The following ADARB2 variants were observed in gnomAD, a reference collection of about 807,000 sequenced individuals.
ADARB2 encodes adenosine deaminase RNA specific B2 (inactive).
Under a neutral mutation model 62.2 loss-of-function variants are expected in ADARB2, and 25 were observed. That is an observed-to-expected ratio of 0.40 (90% CI 0.29 to 0.56). ADARB2 has a LOEUF of 0.56. ADARB2 is among the 20% of genes least tolerant of loss of function. The pLI is 0.43. For missense variants in ADARB2, 1,071 were observed against 1,077.4 expected (o/e 0.99, Z 0.08); for synonymous variants, 572 against 500.8 (o/e 1.14, Z -1.90).
chr10:1,362,898 T>G, intron 3 of ADARB2, 130 bp downstream of exon 3: 1 of 930,042 alleles, frequency 1.1e-6, no homozygotes. Flanking sequence ...GGAGACATTC[T>G]TTCCCCTCCC....
At chr10:1,573,362 G>A (rs1015560127) in intron 1 of ADARB2, among the ~76,000 whole-genome samples, 2 of 152,202 alleles carry the variant, frequency 1.3e-5, no homozygotes, top group Non-Finnish European at 2.9e-5. Flanking sequence ...TGCTGCCTGG[G>A]ATAAAAGGGC....
At chr10:1,199,703 C>G (rs1836958902) in intron 8 of ADARB2, 3 of 409,790 alleles carry the variant, frequency 7.3e-6, no homozygotes, top group African/African-American at 6.1e-5. Context: ...ATTCTGTTTT[C>G]AGAACTCCTT....
intron 1 of ADARB2, among the ~76,000 whole-genome samples, chr10:1,554,858 T>G (rs1292374747): frequency 6.6e-6 from 1 of 152,070 alleles, no homozygotes; most frequent in Non-Finnish European, 1.5e-5. Context: ...GTAGTGAGCA[T>G]AGAACCCAAT....
chr10:1,519,206 A>G (rs1014133115), intron 1 of ADARB2, among the ~76,000 whole-genome samples: 1 of 150,254 alleles, frequency 6.7e-6, no homozygotes, highest in Non-Finnish European at 1.5e-5. Context: ...CCTATATTCC[A>G]TGTAACGTCT....
intron 1 of ADARB2, among the ~76,000 whole-genome samples, chr10:1,690,512 G>A (rs2119125521): frequency 6.6e-6 from 1 of 152,318 alleles, no homozygotes; most frequent in East Asian, 1.9e-4. Context: ...ACAGGCATCA[G>A]AATTCCAGAG....
At chr10:1,332,680 T>C (rs937778255) in intron 3 of ADARB2, among the ~76,000 whole-genome samples, 3 of 152,148 alleles carry the variant, frequency 2.0e-5, no homozygotes, top group Non-Finnish European at 4.4e-5. Flanking sequence ...AGACTTCCAA[T>C]GTCCCTCCCA....
At chr10:1,681,098 A>G (rs1029056624) in intron 1 of ADARB2, among the ~76,000 whole-genome samples, 2 of 152,220 alleles carry the variant, frequency 1.3e-5, no homozygotes, top group African/African-American at 4.8e-5. Context: ...CTGGACAGGA[A>G]TAATGTAAGG....
At chr10:1,262,823 T>C (rs61832015) in intron 4 of ADARB2, among the ~76,000 whole-genome samples, 1 of 152,092 alleles carries the variant, frequency 6.6e-6, no homozygotes, top group Non-Finnish European at 1.5e-5. Context: ...TGTAAAGACA[T>C]ATGCACACAT....
intron 1 of ADARB2, among the ~76,000 whole-genome samples, chr10:1,441,643 A>G (rs1830908136): frequency 6.6e-6 from 1 of 152,226 alleles, no homozygotes; most frequent in African/African-American, 2.4e-5. Context: ...TATTCTCATG[A>G]CATATTTGTC....
chr10:1,437,120 C>T (rs1830842248), intron 1 of ADARB2, among the ~76,000 whole-genome samples: 1 of 151,992 alleles, frequency 6.6e-6, no homozygotes, highest in African/African-American at 2.4e-5. Flanking sequence ...AAAAAATGTA[C>T]AAACTTCACT....
intron 1 of ADARB2, among the ~76,000 whole-genome samples, chr10:1,429,947 T>G (rs1359998700): frequency 6.6e-6 from 1 of 152,212 alleles, no homozygotes; most frequent in Non-Finnish European, 1.5e-5. Flanking sequence ...TAAGGGAATT[T>G]CTCTAAACAG....
chr10:1,538,423 G>A (rs1163199727), intron 1 of ADARB2, among the ~76,000 whole-genome samples: 1 of 152,234 alleles, frequency 6.6e-6, no homozygotes, highest in Non-Finnish European at 1.5e-5. Context: ...ATTAGACACA[G>A]GGGATCCAGG....
intron 3 of ADARB2, among the ~76,000 whole-genome samples, chr10:1,300,761 T>C (rs2131817142): frequency 6.6e-6 from 1 of 152,366 alleles, no homozygotes; most frequent in Middle Eastern, 3.4e-3. Flanking sequence ...ACTGTCTGGC[T>C]GTGGGCAATC....
At chr10:1,602,318 C>G (rs2132015274) in intron 1 of ADARB2, among the ~76,000 whole-genome samples, 1 of 152,314 alleles carries the variant, frequency 6.6e-6, no homozygotes, top group Middle Eastern at 3.4e-3. Flanking sequence ...GTCCACTCTG[C>G]TTTCAATGCC....
At chr10:1,317,637 C>T (rs1206699171) in intron 3 of ADARB2, among the ~76,000 whole-genome samples, 2 of 152,058 alleles carry the variant, frequency 1.3e-5, no homozygotes, top group African/African-American at 4.8e-5. Flanking sequence ...AGTCCAATTC[C>T]CTGATGTTGC....
At chr10:1,322,653 A>G (rs1831805563) in intron 3 of ADARB2, among the ~76,000 whole-genome samples, 1 of 152,182 alleles carries the variant, frequency 6.6e-6, no homozygotes, top group African/African-American at 2.4e-5. Context: ...AGATCATAAG[A>G]GCCACTGGCA....
At chr10:1,229,449 A>G (rs1830777361) in intron 6 of ADARB2, among the ~76,000 whole-genome samples, 1 of 151,978 alleles carries the variant, frequency 6.6e-6, no homozygotes. Context: ...ACCCCAAGTC[A>G]GACTCACTTC....
chr10:1,470,857 G>A (rs1011814050), intron 1 of ADARB2, among the ~76,000 whole-genome samples: 1 of 152,130 alleles, frequency 6.6e-6, no homozygotes, highest in East Asian at 1.9e-4. Flanking sequence ...TCAGGAGATC[G>A]AGACCATCCT....
intron 3 of ADARB2, among the ~76,000 whole-genome samples, chr10:1,314,560 A>G (rs1831720429): frequency 6.6e-6 from 1 of 151,670 alleles, no homozygotes; most frequent in South Asian, 2.1e-4. Flanking sequence ...CTCTTCCCAC[A>G]CTTGCCCTGG....
Sources: allele counts gnomAD v4.1 joint callset (sites outside exome capture counted in the v4.1 genomes callset), GRCh38; gene constraint gnomAD v4.1.1; transcripts MANE v1.5; gene names NCBI Gene and HGNC (gene_info 2026-07-23, HGNC 2026-07-21).